HTR4: variants seen among roughly 807,000 people sequenced by gnomAD.
The protein encoded by HTR4 is 5-hydroxytryptamine receptor 4.
HTR4 carries 16 observed loss-of-function variants against 36.8 expected under a neutral mutation model. The ratio of observed to expected loss-of-function variants is 0.43; its 90% CI spans 0.29 to 0.66. The LOEUF (loss-of-function observed/expected upper bound fraction) is 0.66. Among genes scored for constraint, HTR4 ranks in the 30% least tolerant of loss-of-function variants. HTR4 has a pLI of 0.13. For synonymous variants in HTR4, 189 were observed against 185.1 expected, an observed-to-expected ratio of 1.02 and a Z score of -0.17; for missense variants, 438 against 490.9, an observed-to-expected ratio of 0.89 and a Z score of 1.02.
chr5:148,466,337 C>T (rs181333875), intron 5 of HTR4, among the ~76,000 whole-genome samples: 1 of 152,324 alleles, frequency 6.6e-6, no homozygotes, highest in Non-Finnish European at 1.5e-5. Flanking sequence ...TCATCTCTGA[C>T]CGTCTCAATG....
downstream of HTR4, among the ~76,000 whole-genome samples, chr5:148,477,815 C>A (rs1351054402): frequency 6.6e-6 from 1 of 152,084 alleles, no homozygotes; most frequent in Non-Finnish European, 1.5e-5. Context: ...ACATTCCTGC[C>A]CTAGTGCATT....
chr5:148,581,394 C>G (rs113916932), intron 2 of HTR4, among the ~76,000 whole-genome samples: 5 of 151,734 alleles, frequency 3.3e-5, no homozygotes, highest in Non-Finnish European at 7.4e-5. Flanking sequence ...TTTTTGGGTG[C>G]CATATCCAAG....
intron 2 of HTR4, among the ~76,000 whole-genome samples, chr5:148,594,397 A>T (rs916428758): frequency 6.6e-6 from 1 of 151,824 alleles, no homozygotes; most frequent in South Asian, 2.1e-4. Flanking sequence ...CCTAATTGAC[A>T]TTACAGTAAG....
intron 2 of HTR4, among the ~76,000 whole-genome samples, chr5:148,630,850 G>A (rs1753297754): frequency 6.6e-6 from 1 of 152,114 alleles, no homozygotes; most frequent in Non-Finnish European, 1.5e-5. Flanking sequence ...GGCTCAGAGA[G>A]ATTACATAAA....
At chr5:148,593,837 T>C (rs183375655) in intron 2 of HTR4, among the ~76,000 whole-genome samples, 1 of 152,208 alleles carries the variant, frequency 6.6e-6, no homozygotes, top group East Asian at 1.9e-4. Context: ...TTCTCTTGAA[T>C]GCCTTTATAC....
intron 6 of HTR4, 32 bp from the exon 7 acceptor site, chr5:148,483,325 A>T (rs1258707765): frequency 6.3e-7 from 1 of 1,583,858 alleles, no homozygotes; most frequent in Non-Finnish European, 8.6e-7. Context: ...AGAACCTCAG[A>T]ATTGGAAAGG....
Position 148,482,776 on chromosome 5 carries a change from CAG to C in HTR4, c.*425_*426del. The C allele has an allele frequency of 1.9e-6, 2 of 1,037,068 alleles. No individual in the cohort carries two copies. Among genetic ancestry groups the C allele is most frequent in the Non-Finnish European group, 2.3e-6 (2 of 859,424 alleles). The allele number at this position is 1,037,068 out of a possible 1,614,324, so 64.2% of individuals were successfully genotyped here. On this transcript the variant is annotated 3_prime_UTR_variant, in exon 7 of 7. Coordinates refer to ENST00000377888, the MANE Select transcript of HTR4 (RefSeq NM_000870.7). ...GCGACGCCTCTGGCTAAGACAGGAA[CAG>C]AGAGGGAGTATTTTGTTGATATCTG...
chr5:148,628,520 A>G (rs1245089131), intron 2 of HTR4: 1 of 152,190 alleles, frequency 6.6e-6, no homozygotes, highest in Non-Finnish European at 1.5e-5. Context: ...TGACATTTTA[A>G]TCTAAATTAT....
chr5:148,518,134 C>T (rs531427053), intron 5 of HTR4, among the ~76,000 whole-genome samples: 19 of 152,228 alleles, frequency 1.2e-4, no homozygotes, highest in African/African-American at 4.6e-4. Flanking sequence ...CTCAATAAAG[C>T]CTAGTTTAAC....
intron 2 of HTR4, among the ~76,000 whole-genome samples, chr5:148,593,377 C>T (rs544065555): frequency 1.3e-5 from 2 of 152,270 alleles, no homozygotes; most frequent in South Asian, 4.1e-4. Context: ...CAAAATGGAA[C>T]TTTTCATCAT....
intron 2 of HTR4, among the ~76,000 whole-genome samples, chr5:148,588,063 C>T (rs1169932924): frequency 6.6e-6 from 1 of 152,036 alleles, no homozygotes; most frequent in African/African-American, 2.4e-5. Flanking sequence ...CATAGGGAAG[C>T]GGTATGATCA....
chr5:148,518,416 G>A (rs1757861860), intron 5 of HTR4, among the ~76,000 whole-genome samples: 1 of 152,126 alleles, frequency 6.6e-6, no homozygotes, highest in African/African-American at 2.4e-5. Context: ...AAAAGAATAT[G>A]TAAAATCTGA....
intron 2 of HTR4, among the ~76,000 whole-genome samples, chr5:148,559,666 A>C (rs1760103207): frequency 6.6e-6 from 1 of 152,158 alleles, no homozygotes; most frequent in African/African-American, 2.4e-5. Context: ...GCCAGCCCAG[A>C]ACGATCAGGA....
intron 1 of HTR4, among the ~76,000 whole-genome samples, chr5:148,639,673 T>A (rs1028854234): frequency 2.0e-5 from 3 of 147,662 alleles, no homozygotes; most frequent in African/African-American, 7.5e-5. Flanking sequence ...TTGTGATCTG[T>A]CTTGCTCACT....
At chr5:148,516,982 A>C (rs1757789085) in intron 5 of HTR4, among the ~76,000 whole-genome samples, 1 of 152,160 alleles carries the variant, frequency 6.6e-6, no homozygotes, top group African/African-American at 2.4e-5. Flanking sequence ...GAAATAGTAG[A>C]GGTCTTCTTT....
At chr5:148,598,610 A>T (rs1368677671) in intron 2 of HTR4, among the ~76,000 whole-genome samples, 1 of 152,160 alleles carries the variant, frequency 6.6e-6, no homozygotes, top group African/African-American at 2.4e-5. Context: ...AGTGAAGGTT[A>T]GTGGTCAGTA....
At chr5:148,515,961 T>G (rs1581410256) in intron 5 of HTR4, among the ~76,000 whole-genome samples, 2 of 149,544 alleles carry the variant, frequency 1.3e-5, no homozygotes, top group South Asian at 4.2e-4. Context: ...TGTTAGAACT[T>G]TTTTGTATTA....
chr5:148,547,584 TGA>T (rs1759454571), intron 4 of HTR4, among the ~76,000 whole-genome samples: 1 of 138,576 alleles, frequency 7.2e-6, no homozygotes, highest in Admixed American at 7.1e-5. Flanking sequence ...TAAAAATAAA[TGA>T]AAATAAAAAT....
intron 2 of HTR4, among the ~76,000 whole-genome samples, chr5:148,633,516 C>T (rs1284579579): frequency 6.6e-6 from 1 of 151,058 alleles, no homozygotes; most frequent in East Asian, 2.0e-4. Context: ...TCTCCTAATG[C>T]TATCCCTCCC....
Sources: gnomAD v4.1 joint callset for allele counts (sites outside exome capture counted in the v4.1 genomes callset) on GRCh38, gnomAD v4.1.1 for gene constraint, MANE v1.5 for transcripts, NCBI Gene and HGNC (gene_info 2026-07-23, HGNC 2026-07-21) for gene names.